Variants in RANGAP1 observed in about 807,000 individuals in gnomAD.
The protein encoded by RANGAP1 is ran GTPase-activating protein 1.
Under a neutral mutation model 63.5 loss-of-function variants are expected in RANGAP1, and 38 were observed. That is an observed-to-expected ratio of 0.60 (90% confidence interval 0.46 to 0.78). The LOEUF (loss-of-function observed/expected upper bound fraction) is 0.78. RANGAP1 is among the 30% of genes least tolerant of loss of function. RANGAP1 has a pLI of 0.00. For synonymous variants in RANGAP1, 329 were observed against 310.5 expected, an observed-to-expected ratio of 1.06 and a Z score of -0.63; for missense variants, 630 against 740.3, an observed-to-expected ratio of 0.85 and a Z score of 1.73.
In RANGAP1 at chr22:41,274,558, T is replaced by A. The variant is rs375689501; in HGVS notation, c.240+42A>T. 3.7e-5 allele frequency: 59 copies of A among 1,609,914 alleles called. No individual in the cohort carries two copies. In the African/African-American group the frequency reaches 7.3e-4, roughly 20 times the overall value. ...GGGTTGTGGAAGTGTGAACAGAAGCTTGTTCAAACCAGCCTGGGCCTACTC... is the reference window on the plus strand; with the variant it reads ...GGGTTGTGGAAGTGTGAACAGAAGCATGTTCAAACCAGCCTGGGCCTACTC... On this transcript the variant is annotated intron_variant, in intron 3 of 15. Coordinates refer to ENST00000356244, the MANE Select transcript of RANGAP1 (RefSeq NM_002883.4).
chr22:41,274,833 T>G, intron 2 of RANGAP1, 106 bp from the exon 3 acceptor site: 2,088 of 1,152,404 alleles, frequency 1.8e-3, no homozygotes, highest in Non-Finnish European at 2.4e-3. Flanking sequence ...ATGGTGCACC[T>G]ACCATGCAAT....
upstream of RANGAP1, among the ~76,000 whole-genome samples, chr22:41,290,401 T>G (rs1374773562): frequency 6.6e-6 from 1 of 152,070 alleles, no homozygotes; most frequent in African/African-American, 2.4e-5. Context: ...AGCTTATTTT[T>G]GCATTTTTAG....
At chr22:41,271,042 C>CTGAAA (rs1276953744) in intron 3 of RANGAP1, among the ~76,000 whole-genome samples, 1 of 152,146 alleles carries the variant, frequency 6.6e-6, no homozygotes, top group Non-Finnish European at 1.5e-5. Context: ...TATCCTATCT[C>CTGAAA]TGAAATGAGG....
chr22:41,252,999 G>C lies in RANGAP1; in HGVS notation c.1261-8C>G. On this transcript the variant is annotated splice_region_variant and splice_polypyrimidine_tract_variant and intron_variant, in intron 11 of 15. Coordinates refer to ENST00000356244, the MANE Select transcript of RANGAP1 (RefSeq NM_002883.4). The stretch of plus-strand genomic sequence containing the variant: ...CAGCACGGGAGCTGGCTCCTGGGAA[G>C]TAGGGGCACAGAGGCTCTGGAGAAT... 6.8e-7 allele frequency: 1 copy of C among 1,468,014 alleles called. No homozygotes were observed. The highest frequency in any genetic ancestry group is 9.0e-7 in the Non-Finnish European group (1 of 1,109,984). The allele number at this position is 1,468,014 out of a possible 1,614,324, so 90.9% of individuals were successfully genotyped here.
chr22:41,252,296 C>A (rs2033510818), intron 12 of RANGAP1, among the ~76,000 whole-genome samples: 1 of 151,684 alleles, frequency 6.6e-6, no homozygotes. Context: ...AGTGAGACTC[C>A]ATCTCAAAAA....
At chr22:41,294,033 T>TC in the RANGAP1 span, among the ~76,000 whole-genome samples, 1 of 138,590 alleles carries the variant, frequency 7.2e-6, no homozygotes, top group Non-Finnish European at 1.6e-5. Context: ...CCTCTCCCTC[T>TC]CCTTCTCCCT....
intron 15 of RANGAP1, among the ~76,000 whole-genome samples, chr22:41,248,034 C>A (rs6002299): frequency 1.3e-5 from 2 of 152,210 alleles, no homozygotes; most frequent in Admixed American, 6.5e-5. Flanking sequence ...GGGAACTACT[C>A]TGACCAGGGG....
the RANGAP1 span, among the ~76,000 whole-genome samples, chr22:41,297,942 G>T: frequency 6.6e-6 from 1 of 150,404 alleles, no homozygotes; most frequent in African/African-American, 2.5e-5. Context: ...TCACTACAAC[G>T]TCCGCCTCCT....
At chr22:41,255,464 G>C (rs1601608716) in intron 10 of RANGAP1, among the ~76,000 whole-genome samples, 1 of 151,800 alleles carries the variant, frequency 6.6e-6, no homozygotes, top group Non-Finnish European at 1.5e-5. Context: ...CAGGCCCCAT[G>C]GTCTCTTCCT....
At chr22:41,270,856 C>T (rs968300392) in intron 3 of RANGAP1, among the ~76,000 whole-genome samples, 3 of 152,192 alleles carry the variant, frequency 2.0e-5, no homozygotes, top group Non-Finnish European at 2.9e-5. Flanking sequence ...AACAGGCAGC[C>T]GGAGCCGGAG....
intron 6 of RANGAP1, among the ~76,000 whole-genome samples, chr22:41,260,129 A>G (rs139515): frequency 0.43 from 66,021 of 151,972 alleles, 14,884 homozygotes; most frequent in Middle Eastern, 0.48. Context: ...GTCACACTAC[A>G]TATTTTAGCT....
Position 41,245,103 on chromosome 22 carries a change from G to GT in RANGAP1, c.*1499dup, listed in dbSNP as rs1336304462. Among the ~76,000 whole-genome samples the GT allele has an allele frequency of 1.3e-5, 2 of 152,142 alleles. No homozygotes were observed. The highest frequency in any genetic ancestry group is 2.9e-5 in the Non-Finnish European group (2 of 68,032). ...GCCAGCCCCACACCCACCCCCTACC[G>GT]TATCAACTCACACAGAAGACAGGGG... On this transcript the variant is annotated 3_prime_UTR_variant, in exon 16 of 16. Transcript: ENST00000356244.
intron 15 of RANGAP1, among the ~76,000 whole-genome samples, chr22:41,247,629 G>A (rs974561831): frequency 6.6e-6 from 1 of 152,228 alleles, no homozygotes. Context: ...TGGGATTACA[G>A]ATGGGAGCCA....
intron 6 of RANGAP1, among the ~76,000 whole-genome samples, chr22:41,260,573 C>T (rs1293249620): frequency 2.0e-5 from 3 of 152,154 alleles, no homozygotes; most frequent in Non-Finnish European, 2.9e-5. Flanking sequence ...AGGGGCCGGA[C>T]GTGGTGGCTC....
chr22:41,296,722 A>G, the RANGAP1 span, among the ~76,000 whole-genome samples: 1 of 152,130 alleles, frequency 6.6e-6, no homozygotes, highest in Non-Finnish European at 1.5e-5. Context: ...GTGACCCTAT[A>G]TTAGAGTTCT....
At chr22:41,296,389 G>GT in the RANGAP1 span, among the ~76,000 whole-genome samples, 3 of 152,148 alleles carry the variant, frequency 2.0e-5, no homozygotes, top group Non-Finnish European at 2.9e-5. Flanking sequence ...GCTCATGCCT[G>GT]TAATCCCAGC....
chr22:41,294,570 C>T, the RANGAP1 span, among the ~76,000 whole-genome samples: 202 of 145,246 alleles, frequency 1.4e-3, no homozygotes, highest in Non-Finnish European at 2.3e-3. Flanking sequence ...AAGTGAGGAG[C>T]GTCTCTGCCC....
At chr22:41,289,343 C>T (rs1601743614), upstream of RANGAP1, among the ~76,000 whole-genome samples, 3 of 151,898 alleles carry the variant, frequency 2.0e-5, no homozygotes, top group Admixed American at 2.0e-4. Flanking sequence ...TGTTTCTGGC[C>T]GGGCACAGTG....
chr22:41,250,133 G>A (rs2033338620), intron 13 of RANGAP1, among the ~76,000 whole-genome samples: 1 of 152,268 alleles, frequency 6.6e-6, no homozygotes, highest in Admixed American at 6.5e-5. Context: ...CCTGAGGCAG[G>A]CTACCACTGG....
Sources: allele counts gnomAD v4.1 joint callset (sites outside exome capture counted in the v4.1 genomes callset), GRCh38; gene constraint gnomAD v4.1.1; transcripts MANE v1.5; gene names NCBI Gene and HGNC (gene_info 2026-07-23, HGNC 2026-07-21).